Variants in PPP1R16B observed in about 807,000 individuals in gnomAD.
The protein encoded by PPP1R16B is protein phosphatase 1 regulatory inhibitor subunit 16B.
In PPP1R16B, 14 loss-of-function variants were observed where a neutral mutation model predicts 61.7. That is an observed-to-expected ratio of 0.23 (90% CI 0.15 to 0.35). PPP1R16B has a LOEUF of 0.35. PPP1R16B is among the 10% of genes least tolerant of loss of function. PPP1R16B has a pLI of 1.00. For missense variants in PPP1R16B, 547 were observed against 752.5 expected (o/e 0.73, Z 3.19); for synonymous variants, 266 against 305.3 (o/e 0.87, Z 1.34).
At chr20:38,850,828 T>TGTG (rs1223279901) in intron 2 of PPP1R16B, among the ~76,000 whole-genome samples, 2 of 151,014 alleles carry the variant, frequency 1.3e-5, no homozygotes, top group Non-Finnish European at 3.0e-5. Flanking sequence ...AATAACCAGG[T>TGTG]GTGGTGGTGG....
intron 3 of PPP1R16B, among the ~76,000 whole-genome samples, chr20:38,895,072 A>G (rs1288177223): frequency 1.3e-5 from 2 of 152,150 alleles, no homozygotes; most frequent in Non-Finnish European, 2.9e-5. Flanking sequence ...GTTTCAAGCT[A>G]TGATCTTGAA....
At chr20:38,900,120 G>T (rs1305202013) in intron 4 of PPP1R16B, among the ~76,000 whole-genome samples, 3 of 152,158 alleles carry the variant, frequency 2.0e-5, no homozygotes, top group African/African-American at 4.8e-5. Context: ...TTCCCCTTGC[G>T]TGAGATGGGG....
intron 2 of PPP1R16B, among the ~76,000 whole-genome samples, chr20:38,889,354 C>G (rs570702435): frequency 6.6e-6 from 1 of 152,328 alleles, no homozygotes; most frequent in African/African-American, 2.4e-5. Flanking sequence ...TTGCTTAGCT[C>G]AGTGCCTGGC....
chr20:38,888,793 G>A (rs1484181077), intron 2 of PPP1R16B, among the ~76,000 whole-genome samples: 1 of 151,740 alleles, frequency 6.6e-6, no homozygotes, highest in Non-Finnish European at 1.5e-5. Flanking sequence ...CAGTGATAAG[G>A]GGAGGGGGCT....
intron 2 of PPP1R16B, among the ~76,000 whole-genome samples, chr20:38,849,844 C>T (rs943602336): frequency 2.0e-5 from 3 of 152,118 alleles, no homozygotes; most frequent in Non-Finnish European, 4.4e-5. Flanking sequence ...CCTGGACACA[C>T]GGTTGATTTT....
chr20:38,823,063 C>A (rs948952285), intron 1 of PPP1R16B, among the ~76,000 whole-genome samples: 1 of 152,128 alleles, frequency 6.6e-6, no homozygotes, highest in African/African-American at 2.4e-5. Flanking sequence ...AGGAGGGAAT[C>A]AAAGTGGAGG....
intron 2 of PPP1R16B, among the ~76,000 whole-genome samples, chr20:38,847,026 AAAT>A (rs1409540060): frequency 6.6e-6 from 1 of 152,136 alleles, no homozygotes; most frequent in Non-Finnish European, 1.5e-5. Flanking sequence ...AATAAAATAA[AAAT>A]AAAAAGTATT....
intron 1 of PPP1R16B, among the ~76,000 whole-genome samples, chr20:38,829,537 G>A (rs1258636544): frequency 6.6e-6 from 1 of 152,152 alleles, no homozygotes; most frequent in Admixed American, 6.5e-5. Flanking sequence ...TCTTCCTTGG[G>A]GATCCCCTTT....
At chr20:38,849,545 C>T (rs930183412) in intron 2 of PPP1R16B, among the ~76,000 whole-genome samples, 2 of 152,028 alleles carry the variant, frequency 1.3e-5, no homozygotes, top group African/African-American at 2.4e-5. Flanking sequence ...GTTAGTATGA[C>T]TTAAGTTTCC....
rs1354052272 is a variant in PPP1R16B at position 38,920,146 on chromosome 20, G to T, written c.*1480G>T. 2.6e-5 allele frequency: 4 copies of T among 152,778 alleles called. No individual in the cohort carries two copies. The highest frequency in any genetic ancestry group is 9.6e-5 in the African/African-American group (4 of 41,470). 9.5% of individuals were successfully genotyped at this position (152,778 alleles called of 1,614,324 possible). On this transcript the variant is annotated 3_prime_UTR_variant, in exon 11 of 11. Transcript: ENST00000299824. ...GTCCCAGCCTTCCTGGTGCTGGGGA[G>T]GGAGGACTGTGAATGGCTGTTCTCC...
At chr20:38,829,348 T>G (rs989857481) in intron 1 of PPP1R16B, among the ~76,000 whole-genome samples, 1 of 152,174 alleles carries the variant, frequency 6.6e-6, no homozygotes, top group Non-Finnish European at 1.5e-5. Context: ...CACAGATACT[T>G]CCTGGATGAC....
At chr20:38,874,055 C>G (rs1026881450) in intron 2 of PPP1R16B, among the ~76,000 whole-genome samples, 2 of 152,160 alleles carry the variant, frequency 1.3e-5, no homozygotes, top group Non-Finnish European at 2.9e-5. Flanking sequence ...ATGACCCAGA[C>G]TCACAAGGCA....
intron 5 of PPP1R16B, among the ~76,000 whole-genome samples, chr20:38,901,353 A>G (rs540992802): frequency 6.6e-6 from 1 of 152,350 alleles, no homozygotes; most frequent in South Asian, 2.1e-4. Flanking sequence ...CATCTCCTGC[A>G]GAGGTTCTTA....
intron 1 of PPP1R16B, among the ~76,000 whole-genome samples, chr20:38,820,937 A>T (rs962068542): frequency 1.3e-5 from 2 of 150,640 alleles, no homozygotes; most frequent in Non-Finnish European, 2.9e-5. Flanking sequence ...GCTACTCAGG[A>T]GGCTGAGGCA....
At chr20:38,917,315 C>A (rs564700288) in intron 10 of PPP1R16B, among the ~76,000 whole-genome samples, 1 of 149,906 alleles carries the variant, frequency 6.7e-6, no homozygotes, top group South Asian at 2.1e-4. Context: ...AAAAAAAGGA[C>A]TTTTAAGAGC....
intron 1 of PPP1R16B, among the ~76,000 whole-genome samples, chr20:38,819,940 C>T (rs1171577035): frequency 6.6e-6 from 1 of 152,178 alleles, no homozygotes; most frequent in South Asian, 2.1e-4. Context: ...CTCTCCAACC[C>T]CGTATGTCCC....
At chr20:38,824,748 G>T (rs147826708) in intron 1 of PPP1R16B, among the ~76,000 whole-genome samples, 1 of 152,256 alleles carries the variant, frequency 6.6e-6, no homozygotes. Flanking sequence ...TCCCATCCCA[G>T]GCTGGGCATG....
At chr20:38,866,286 T>A (rs143866273) in intron 2 of PPP1R16B, among the ~76,000 whole-genome samples, 3 of 152,026 alleles carry the variant, frequency 2.0e-5, no homozygotes, top group Non-Finnish European at 4.4e-5. Context: ...GGGCTGAGTG[T>A]CTGTGCAGCG....
rs1475151169 is a variant in PPP1R16B at position 38,895,706 on chromosome 20, C to T, written c.463C>T (p.Gln155Ter). ...CATCAACCTGGTGAAGATCCTCGTT[C>T]AGTAGTACGTGCCCCTCCCTGCCCC... ...GHINLVKILV[Q>*]YGADLLAVNS... Residue 155 changes from glutamine to a stop codon, truncating the protein, a stop_gained, in exon 4 of 11, where the codon CAG (glutamine) becomes TAG (stop). Transcript: ENST00000299824. LOFTEE classifies it high-confidence loss of function. 1 of 1,614,056 alleles carries T rather than the reference C, an allele frequency of 6.2e-7. No homozygotes were observed.
Sources: allele counts gnomAD v4.1 joint callset (sites outside exome capture counted in the v4.1 genomes callset), GRCh38; gene constraint gnomAD v4.1.1; transcripts MANE v1.5; gene names NCBI Gene and HGNC (gene_info 2026-07-23, HGNC 2026-07-21).